Variants in KLHL29 observed in about 807,000 individuals in gnomAD.
KLHL29 encodes kelch like family member 29, also known as kelch-like protein 29.
KLHL29 carries 21 observed loss-of-function variants against 80.4 expected under a neutral mutation model. The ratio of observed to expected loss-of-function variants is 0.26; its 90% CI spans 0.19 to 0.38. The LOEUF (loss-of-function observed/expected upper bound fraction) is 0.38, where lower values mean the gene tolerates loss of function less well. Ranked by LOEUF, KLHL29 falls within the 10% of genes least tolerant of loss-of-function variation. The pLI is 1.00. For missense variants in KLHL29, 867 were observed against 1,223.9 expected, an observed-to-expected ratio of 0.71 and a Z score of 4.35; for synonymous variants, 511 against 526.8, an observed-to-expected ratio of 0.97 and a Z score of 0.41.
chr2:23,564,047 T>C (rs921470970), intron 3 of KLHL29, among the ~76,000 whole-genome samples: 3 of 152,186 alleles, frequency 2.0e-5, no homozygotes, highest in Non-Finnish European at 4.4e-5. Flanking sequence ...GTTGGCCATA[T>C]GGAGAATGGC....
intron 1 of KLHL29, among the ~76,000 whole-genome samples, chr2:23,389,699 A>AG (rs370112659): frequency 0.036 from 5,478 of 150,472 alleles, 190 homozygotes; most frequent in African/African-American, 0.083. Context: ...GAAAAAAAAA[A>AG]GGGGGGGGCG....
intron 1 of KLHL29, among the ~76,000 whole-genome samples, chr2:23,467,709 G>A (rs764405934): frequency 7.9e-5 from 12 of 152,172 alleles, no homozygotes; most frequent in African/African-American, 9.7e-5. Context: ...GCATCTGCCC[G>A]AAGGTCTTGA....
chr2:23,405,449 G>A (rs1003048190), intron 1 of KLHL29, among the ~76,000 whole-genome samples: 1 of 152,130 alleles, frequency 6.6e-6, no homozygotes, highest in African/African-American at 2.4e-5. Flanking sequence ...CTGAATAGAG[G>A]GCAGTTGAAT....
At position 23,495,701 on chromosome 2, in the gene KLHL29, C is replaced by T. The variant is rs566102368; in HGVS notation, c.-46+20034C>T. 1.6e-3 allele frequency among the ~76,000 whole-genome samples: 237 copies of T among 152,286 alleles called. 2 individuals carry two copies. The Middle Eastern group carries it at 0.02, about 13-fold the overall frequency. ...CGAGAGTGACGGCCCCTCCTGGCAT[C>T]GTGTCAGGGCCAGGGCTCCGGGGGT... On this transcript the variant is annotated intron_variant, in intron 2 of 13. Coordinates refer to ENST00000486442, the MANE Select transcript of KLHL29 (RefSeq NM_052920.2).
intron 3 of KLHL29, among the ~76,000 whole-genome samples, chr2:23,606,118 G>A (rs11687476): frequency 0.026 from 3,945 of 151,938 alleles, 80 homozygotes; most frequent in Non-Finnish European, 0.043. Context: ...AGTTTCAGGT[G>A]GGGGGATCAT....
intron 2 of KLHL29, among the ~76,000 whole-genome samples, chr2:23,529,608 A>G (rs1035051571): frequency 1.3e-5 from 2 of 151,514 alleles, no homozygotes; most frequent in African/African-American, 4.8e-5. Flanking sequence ...CAGGCTTGGT[A>G]TAGACCTGGC....
At chr2:23,543,885 G>A (rs1434929101) in intron 2 of KLHL29, among the ~76,000 whole-genome samples, 1 of 152,180 alleles carries the variant, frequency 6.6e-6, no homozygotes, top group Non-Finnish European at 1.5e-5. Flanking sequence ...TGGGGGAACT[G>A]GCAAGCCTGC....
chr2:23,415,985 A>G (rs767451841), intron 1 of KLHL29, among the ~76,000 whole-genome samples: 7 of 152,126 alleles, frequency 4.6e-5, no homozygotes, highest in South Asian at 4.1e-4. Flanking sequence ...TGGTGACACT[A>G]TTGGGTTGAG....
intron 5 of KLHL29, among the ~76,000 whole-genome samples, chr2:23,657,781 G>C (rs561891096): frequency 1.3e-5 from 2 of 152,138 alleles, no homozygotes; most frequent in Non-Finnish European, 2.9e-5. Context: ...GGGAGTGGGG[G>C]ACCGGCCTCG....
intron 1 of KLHL29, among the ~76,000 whole-genome samples, chr2:23,466,575 T>A (rs1664360273): frequency 1.3e-5 from 2 of 152,134 alleles, no homozygotes; most frequent in South Asian, 4.1e-4. Context: ...TCCCCTACCG[T>A]GTGTGGGCCC....
At chr2:23,437,357 G>T (rs1329412437) in intron 1 of KLHL29, among the ~76,000 whole-genome samples, 3 of 152,162 alleles carry the variant, frequency 2.0e-5, no homozygotes, top group African/African-American at 7.2e-5. Context: ...GGTCCTTAAT[G>T]ATATAATCCC....
intron 1 of KLHL29, among the ~76,000 whole-genome samples, chr2:23,470,982 A>G (rs1664482243): frequency 6.6e-6 from 1 of 152,226 alleles, no homozygotes; most frequent in Non-Finnish European, 1.5e-5. Context: ...CTTAAAAAGA[A>G]TATGAATGAG....
chr2:23,638,586 A>G (rs557640630), intron 3 of KLHL29, among the ~76,000 whole-genome samples: 6 of 152,186 alleles, frequency 3.9e-5, no homozygotes, highest in Non-Finnish European at 5.9e-5. Context: ...CCATAGGACA[A>G]TTGGGCCTCA....
chr2:23,442,806 G>C (rs1357042752), intron 1 of KLHL29, among the ~76,000 whole-genome samples: 4 of 152,124 alleles, frequency 2.6e-5, no homozygotes, highest in African/African-American at 9.7e-5. Flanking sequence ...TGTTTGGTTG[G>C]GGGTGTCACC....
intron 1 of KLHL29, among the ~76,000 whole-genome samples, chr2:23,465,142 G>A (rs564577951): frequency 1.2e-3 from 189 of 152,244 alleles, no homozygotes; most frequent in Non-Finnish European, 2.1e-3. Flanking sequence ...GAGCAAACTC[G>A]AGGTCTCGTA....
Position 23,681,661 on chromosome 2 carries a change from G to A in KLHL29, c.941-2738G>A, listed in dbSNP as rs141144851. On this transcript the variant is annotated intron_variant, in intron 5 of 13. Transcript: ENST00000486442. This position sits in a 1 kb window ranked among gnomAD's most constrained non-coding sequence, Gnocchi z 4.2. ...CCCTTCTGTGCTAGAGGAAACAGAG[G>A]CCCAGAAAGCTGGGGTGCTGGCCCA... 6.6e-6 allele frequency among the ~76,000 whole-genome samples: 1 copy of A among 152,248 alleles called. No homozygotes were observed. Among genetic ancestry groups the A allele is most frequent in the Non-Finnish European group, 1.5e-5 (1 of 68,006 alleles).
At chr2:23,706,377 C>A in intron 13 of KLHL29, 104 bp from the exon 14 acceptor site, 2 of 909,786 alleles carry the variant, frequency 2.2e-6, no homozygotes, top group Admixed American at 4.1e-5. Context: ...ATGCCTTCTG[C>A]AAAAGGCACA....
intron 1 of KLHL29, among the ~76,000 whole-genome samples, chr2:23,391,071 G>T (rs952592704): frequency 2.0e-5 from 3 of 152,144 alleles, no homozygotes; most frequent in Admixed American, 2.0e-4. Flanking sequence ...ACCTCCCTCA[G>T]CCCCTGGCAT....
intron 1 of KLHL29, among the ~76,000 whole-genome samples, chr2:23,470,014 C>CAA (rs11317777): frequency 1.6e-5 from 2 of 128,630 alleles, no homozygotes; most frequent in Non-Finnish European, 1.7e-5. Context: ...TGCTGTGTAT[C>CAA]AAAAAAAAAA....
Sources: gnomAD v4.1 joint callset for allele counts (sites outside exome capture counted in the v4.1 genomes callset) on GRCh38, gnomAD v4.1.1 for gene constraint, Gnocchi (gnomAD v3.1) non-coding constraint, MANE v1.5 for transcripts, NCBI Gene and HGNC (gene_info 2026-07-23, HGNC 2026-07-21) for gene names.